The following IQCM variants were observed in gnomAD, a reference collection of about 807,000 sequenced individuals.
The protein encoded by IQCM is IQ domain-containing protein M.
A neutral mutation model predicts 57.6 loss-of-function variants in IQCM; 45 were observed. The observed-to-expected ratio is 0.78, with a 90% CI of 0.62 to 1.00. IQCM has a LOEUF of 1.00. Ranked by LOEUF, IQCM falls within the 50% of genes least tolerant of loss-of-function variation. The pLI, the probability that IQCM is intolerant of heterozygous loss-of-function variation, is 0.00. For synonymous variants in IQCM, 148 were observed against 158.9 expected, an observed-to-expected ratio of 0.93 and a Z score of 0.51; for missense variants, 468 against 511.6, an observed-to-expected ratio of 0.91 and a Z score of 0.82.
At chr4:149,513,766 G>T (rs892846508) in intron 12 of IQCM, among the ~76,000 whole-genome samples, 3 of 152,130 alleles carry the variant, frequency 2.0e-5, no homozygotes, top group Admixed American at 1.3e-4. Flanking sequence ...ATCAGTTAAG[G>T]TAAGTGGATT....
chr4:149,704,135 TTATC>T (rs1361406382), intron 5 of IQCM, among the ~76,000 whole-genome samples: 4 of 150,508 alleles, frequency 2.7e-5, no homozygotes, highest in African/African-American at 1.0e-4. Flanking sequence ...TTAACATTAT[TTATC>T]TTATTATAAA....
intron 12 of IQCM, among the ~76,000 whole-genome samples, chr4:149,477,022 T>TTC (rs1274303479): frequency 2.6e-5 from 4 of 152,174 alleles, no homozygotes; most frequent in Admixed American, 6.6e-5. Context: ...ACATAGAAGC[T>TTC]TATACGCCAT....
chr4:149,624,160 G>A (rs1756595859), intron 7 of IQCM, among the ~76,000 whole-genome samples: 1 of 151,990 alleles, frequency 6.6e-6, no homozygotes, highest in East Asian at 1.9e-4. Context: ...GTGTGTGTGT[G>A]TGTGTGTGTG....
At chr4:149,456,930 C>A (rs766074686) in intron 12 of IQCM, among the ~76,000 whole-genome samples, 5 of 152,034 alleles carry the variant, frequency 3.3e-5, no homozygotes, top group African/African-American at 4.8e-5. Flanking sequence ...AGTGGTGTCC[C>A]AGGCATTGCC....
At chr4:149,733,677 A>G (rs1004417304) in intron 4 of IQCM, among the ~76,000 whole-genome samples, 169 bp from the exon 5 acceptor site, 18 of 151,976 alleles carry the variant, frequency 1.2e-4, no homozygotes, top group Admixed American at 7.9e-4. Context: ...TACAAATGAC[A>G]GTAACCAGCT....
chr4:149,736,508 C>T (rs1247757622), intron 3 of IQCM, among the ~76,000 whole-genome samples: 2 of 152,140 alleles, frequency 1.3e-5, no homozygotes, highest in Non-Finnish European at 2.9e-5. Context: ...CAAAGTCTGG[C>T]CAGTGGGCTC....
intron 12 of IQCM, among the ~76,000 whole-genome samples, chr4:149,517,591 G>C (rs572961775): frequency 6.6e-6 from 1 of 152,282 alleles, no homozygotes; most frequent in South Asian, 2.1e-4. Flanking sequence ...GTGTCAACTT[G>C]ATTGGATTGA....
chr4:149,444,290 G>A (rs1216769314), intron 12 of IQCM, among the ~76,000 whole-genome samples: 3 of 151,712 alleles, frequency 2.0e-5, no homozygotes, highest in South Asian at 4.1e-4. Flanking sequence ...ATATAAATTT[G>A]TCAGTTTAAG....
At chr4:149,356,920 T>C (rs1029212621) in intron 13 of IQCM, among the ~76,000 whole-genome samples, 3 of 152,212 alleles carry the variant, frequency 2.0e-5, no homozygotes, top group East Asian at 1.9e-4. Context: ...TTTTATTTCA[T>C]TGAGCCATGG....
chr4:149,793,401 A>G (rs530473207), intron 2 of IQCM, among the ~76,000 whole-genome samples: 213 of 151,892 alleles, frequency 1.4e-3, no homozygotes, highest in Middle Eastern at 3.4e-3. Flanking sequence ...TTGCTTTACT[A>G]CTCCTAGTGC....
chr4:149,670,315 G>T (rs1427816424), intron 7 of IQCM, among the ~76,000 whole-genome samples: 1 of 152,044 alleles, frequency 6.6e-6, no homozygotes, highest in Non-Finnish European at 1.5e-5. Context: ...TGTGATTTTT[G>T]CACATTGATT....
intron 12 of IQCM, among the ~76,000 whole-genome samples, chr4:149,536,048 T>G (rs1389158461): frequency 1.3e-5 from 2 of 151,962 alleles, no homozygotes; most frequent in African/African-American, 4.8e-5. Context: ...TAAAGCAAGG[T>G]GATGATAAGA....
chr4:149,640,278 C>T (rs1345586020), intron 7 of IQCM, among the ~76,000 whole-genome samples: 1 of 152,070 alleles, frequency 6.6e-6, no homozygotes, highest in Non-Finnish European at 1.5e-5. Flanking sequence ...AGCATGTATC[C>T]TTTGTGTTAC....
intron 13 of IQCM, among the ~76,000 whole-genome samples, chr4:149,355,747 G>C (rs1728927193): frequency 1.3e-5 from 2 of 151,968 alleles, no homozygotes; most frequent in African/African-American, 2.4e-5. Flanking sequence ...ATAATCCTTT[G>C]GGTATATACC....
intron 5 of IQCM, among the ~76,000 whole-genome samples, chr4:149,730,939 T>C (rs1580147380): frequency 6.6e-6 from 1 of 152,322 alleles, no homozygotes; most frequent in African/African-American, 2.4e-5. Context: ...ACAATTTCAG[T>C]ACGGTAGTGA....
intron 9 of IQCM, among the ~76,000 whole-genome samples, chr4:149,579,933 T>C (rs1752020648): frequency 6.6e-6 from 1 of 151,756 alleles, no homozygotes; most frequent in African/African-American, 2.4e-5. Context: ...TAAGTCATCT[T>C]AGGAATTGAC....
intron 5 of IQCM, among the ~76,000 whole-genome samples, chr4:149,708,371 A>C (rs1764314124): frequency 6.6e-6 from 1 of 152,010 alleles, no homozygotes; most frequent in African/African-American, 2.4e-5. Context: ...AGGATCATAG[A>C]CAGGAACTTG....
intron 2 of IQCM, among the ~76,000 whole-genome samples, chr4:149,802,140 T>C (rs1399773528): frequency 1.3e-5 from 2 of 151,864 alleles, no homozygotes; most frequent in Non-Finnish European, 2.9e-5. Context: ...GCAGCCAATA[T>C]GTAAAAGTCA....
intron 2 of IQCM, among the ~76,000 whole-genome samples, chr4:149,778,646 T>C (rs1267736327): frequency 6.6e-6 from 1 of 151,972 alleles, no homozygotes; most frequent in Non-Finnish European, 1.5e-5. Context: ...CAAAAATTAC[T>C]AATATTAGAA....
Sources: gnomAD v4.1 joint callset for allele counts (sites outside exome capture counted in the v4.1 genomes callset) on GRCh38, gnomAD v4.1.1 for gene constraint, MANE v1.5 for transcripts, NCBI Gene and HGNC (gene_info 2026-07-23, HGNC 2026-07-21) for gene names.